The following FYB1 variants were observed in gnomAD, a reference collection of about 807,000 sequenced individuals.
FYB1 encodes FYN-binding protein 1.
Under a neutral mutation model 94.1 loss-of-function variants are expected in FYB1, and 41 were observed. The observed-to-expected ratio is 0.44, with a 90% CI of 0.34 to 0.57. The LOEUF is 0.57. Ranked by LOEUF, FYB1 falls within the 20% of genes least tolerant of loss-of-function variation. The pLI, the probability that FYB1 is intolerant of heterozygous loss-of-function variation, is 0.02. For missense variants in FYB1, 1,050 were observed against 976.8 expected, an observed-to-expected ratio of 1.07 and a Z score of -1.00; for synonymous variants, 367 against 353.2, an observed-to-expected ratio of 1.04 and a Z score of -0.44.
chr5:39,187,122 C>T (rs1015609615), intron 2 of FYB1, among the ~76,000 whole-genome samples: 11 of 152,144 alleles, frequency 7.2e-5, no homozygotes, highest in Admixed American at 1.3e-4. Context: ...GTGCTCATTG[C>T]GCTTTTTGCA....
At chr5:39,138,589 T>G in intron 6 of FYB1, 68 bp downstream of exon 6, 3 of 882,514 alleles carry the variant, frequency 3.4e-6, no homozygotes, top group Non-Finnish European at 5.4e-6. Flanking sequence ...ATATACCCAC[T>G]CTCCCTCATA....
chr5:39,113,806 G>C (rs897044867), intron 16 of FYB1, among the ~76,000 whole-genome samples: 2 of 151,956 alleles, frequency 1.3e-5, no homozygotes, highest in Non-Finnish European at 2.9e-5. Context: ...ATTTACCTAG[G>C]CAAGTGGAAC....
rs1748434661 is a variant in FYB1 at position 39,202,441 on chromosome 5, T to A, written c.520A>T (p.Thr174Ser). ...GACATAAATTTCCCTTTAACCCCAG[T>A]CAATTTGGGAAACGCTTGCTTCTGT... ...NEQKQAFPKL[T>S]GVKGKFMSAS... The change falls in exon 2 of 19, where the codon ACT becomes TCT. Residue 174 changes from threonine to serine, a missense_variant. Physicochemically the swap from Thr to Ser is moderately conservative, Grantham distance 58 (BLOSUM62 1). Transcript: ENST00000512982. 6.2e-7 allele frequency: 1 copy of A among 1,613,598 alleles called. No individual in the cohort carries two copies. Among genetic ancestry groups the A allele is most frequent in the African/African-American group, 1.3e-5 (1 of 74,810 alleles).
intron 1 of FYB1, among the ~76,000 whole-genome samples, chr5:39,252,002 T>A (rs261741): frequency 6.6e-6 from 1 of 152,026 alleles, no homozygotes; most frequent in Non-Finnish European, 1.5e-5. Flanking sequence ...AAATTTAGCC[T>A]GGAGTGGTGG....
intron 1 of FYB1, among the ~76,000 whole-genome samples, chr5:39,226,725 G>A (rs182176299): frequency 2.6e-5 from 4 of 152,226 alleles, no homozygotes; most frequent in African/African-American, 7.2e-5. Flanking sequence ...AAACTTTAGT[G>A]TTCATAAAAA....
At chr5:39,242,822 G>A (rs958872627) in intron 1 of FYB1, among the ~76,000 whole-genome samples, 9 of 152,028 alleles carry the variant, frequency 5.9e-5, no homozygotes, top group Admixed American at 3.3e-4. Flanking sequence ...ACTTTTTAAT[G>A]ATCGCCATCC....
At chr5:39,116,846 A>C (rs2150272227) in intron 16 of FYB1, among the ~76,000 whole-genome samples, 1 of 151,590 alleles carries the variant, frequency 6.6e-6, no homozygotes. Context: ...AAATAAGCAA[A>C]AAAAAAAAGA....
upstream of FYB1, among the ~76,000 whole-genome samples, chr5:39,221,932 C>T (rs373334336): frequency 2.6e-5 from 4 of 151,948 alleles, 1 homozygote; most frequent in South Asian, 6.2e-4. Flanking sequence ...ACAAAGGAGG[C>T]GGAGGTTGCA....
At chr5:39,227,521 A>G (rs1181955370) in intron 1 of FYB1, among the ~76,000 whole-genome samples, 1 of 152,254 alleles carries the variant, frequency 6.6e-6, no homozygotes, top group Non-Finnish European at 1.5e-5. Flanking sequence ...GTGTAAATCT[A>G]GATGAAAGGG....
At chr5:39,248,164 G>C (rs1374676944) in intron 1 of FYB1, among the ~76,000 whole-genome samples, 1 of 152,142 alleles carries the variant, frequency 6.6e-6, no homozygotes, top group Non-Finnish European at 1.5e-5. Flanking sequence ...AAATAAGTTT[G>C]AATATAACAT....
chr5:39,166,387 G>C (rs929521172), intron 2 of FYB1, among the ~76,000 whole-genome samples: 3 of 150,836 alleles, frequency 2.0e-5, no homozygotes, highest in African/African-American at 7.3e-5. Flanking sequence ...GGTGAGCCAA[G>C]ATTGTGCCGT....
chr5:39,174,424 A>G (rs1745521699), intron 2 of FYB1, among the ~76,000 whole-genome samples: 2 of 152,312 alleles, frequency 1.3e-5, no homozygotes, highest in South Asian at 4.1e-4. Flanking sequence ...AGTGCTTTTT[A>G]TATAATTTGG....
In FYB1 at chr5:39,243,551, G is replaced by A. The variant is rs989408261; in HGVS notation, c.-28+30852C>T. On this transcript the variant is annotated intron_variant, in intron 1 of 1. Transcript: ENST00000510188. ...CTGTTTTGGTGACTGTAGCCTTGTA[G>A]TATAGTTTGAAGTCAGGTGGCGTGA... 8.8e-3 allele frequency among the ~76,000 whole-genome samples: 1,338 copies of A among 152,132 alleles called. 16 individuals carry two copies. Among genetic ancestry groups the A allele is most frequent in the African/African-American group, 0.028 (1,166 of 41,436 alleles).
intron 1 of FYB1, among the ~76,000 whole-genome samples, chr5:39,216,456 G>C (rs1055650800): frequency 6.6e-6 from 1 of 152,032 alleles, no homozygotes; most frequent in Non-Finnish European, 1.5e-5. Context: ...GTGCAGGTTT[G>C]TTACACAGGT....
rs1742884823 is a variant in FYB1 at position 39,148,158 on chromosome 5, TATATATA to T, written c.1292+5283_1292+5289del. On this transcript the variant is annotated intron_variant, in intron 3 of 18. Transcript: ENST00000512982. The stretch of plus-strand genomic sequence containing the variant: ...ATATGTATATTATATGTATTTTTTA[TATATATA>T]TATATATATATATATATATATATAT... Among the ~76,000 whole-genome samples the T allele has an allele frequency of 5.8e-3, 30 of 5,190 alleles. 1 individual carries two copies. The highest frequency in any genetic ancestry group is 7.8e-3 in the East Asian group (2 of 256). The allele number at this position is 5,190 out of a possible 152,430, so 3.4% of individuals were successfully genotyped here.
At chr5:39,162,983 C>A (rs534019583) in intron 2 of FYB1, among the ~76,000 whole-genome samples, 1 of 152,104 alleles carries the variant, frequency 6.6e-6, no homozygotes, top group Non-Finnish European at 1.5e-5. Context: ...TGAACATTCT[C>A]TTTTATGATT....
At chr5:39,209,434 C>T (rs1400790032) in intron 1 of FYB1, among the ~76,000 whole-genome samples, 2 of 151,422 alleles carry the variant, frequency 1.3e-5, no homozygotes, top group African/African-American at 4.9e-5. Context: ...TCAAGCGATT[C>T]TCGTGCCTCA....
chr5:39,206,917 C>T (rs1748911359), intron 1 of FYB1, among the ~76,000 whole-genome samples: 1 of 152,150 alleles, frequency 6.6e-6, no homozygotes, highest in Non-Finnish European at 1.5e-5. Context: ...AGATATACAC[C>T]AGTACAGGTG....
chr5:39,202,723 G>T lies in FYB1; in HGVS notation c.238C>A (p.Pro80Thr), dbSNP rs771964021. Residue 80 changes from proline to threonine, a missense_variant, in exon 2 of 19, where the codon CCC (proline) becomes ACC (threonine). Coordinates refer to ENST00000512982, the MANE Select transcript of FYB1 (RefSeq NM_001465.6). Reference sequence around the variant, plus strand: ...GCTCCAGTGGGCTTTAGAAACGGGGGCTTGGGTTCCTTGTCAGGCTTTTCC... The same window carrying T: ...GCTCCAGTGGGCTTTAGAAACGGGGTCTTGGGTTCCTTGTCAGGCTTTTCC... ...SEEKPDKEPKPPFLKPTGAGQ... is the reference protein window; with the variant it reads ...SEEKPDKEPKTPFLKPTGAGQ... The T allele has an allele frequency of 4.3e-6, 7 of 1,613,814 alleles. No individual in the cohort carries two copies. The highest frequency in any genetic ancestry group is 1.1e-5 in the South Asian group (1 of 91,072).
Sources: allele counts gnomAD v4.1 joint callset (sites outside exome capture counted in the v4.1 genomes callset), GRCh38; gene constraint gnomAD v4.1.1; transcripts MANE v1.5; gene names NCBI Gene and HGNC (gene_info 2026-07-23, HGNC 2026-07-21).